Variants in TMTC1 observed in about 807,000 individuals in gnomAD.
TMTC1 encodes transmembrane O-mannosyltransferase targeting cadherins 1, also known as protein O-mannosyl-transferase TMTC1.
A neutral mutation model predicts 104.8 loss-of-function variants in TMTC1; 73 were observed. That is an observed-to-expected ratio of 0.70 (90% CI 0.58 to 0.85). The LOEUF (loss-of-function observed/expected upper bound fraction) is 0.85. Ranked by LOEUF, TMTC1 falls within the 40% of genes least tolerant of loss-of-function variation. The pLI, the probability that TMTC1 is intolerant of heterozygous loss-of-function variation, is 0.00. For missense variants in TMTC1, 1,035 were observed against 1,096.1 expected (o/e 0.94, Z 0.79); for synonymous variants, 434 against 428.7 (o/e 1.01, Z -0.15).
intron 2 of TMTC1, among the ~76,000 whole-genome samples, chr12:29,762,413 C>G (rs948900626): frequency 6.6e-6 from 1 of 152,158 alleles, no homozygotes. Context: ...GGGTGGAACT[C>G]TTAACACTGA....
At chr12:29,650,046 A>G (rs774102156) in intron 5 of TMTC1, among the ~76,000 whole-genome samples, 8 of 151,608 alleles carry the variant, frequency 5.3e-5, no homozygotes, top group Non-Finnish European at 8.8e-5. Context: ...CTGCATTTAG[A>G]GCATCTTCTT....
intron 2 of TMTC1, among the ~76,000 whole-genome samples, chr12:29,763,158 C>T (rs1943390378): frequency 6.6e-6 from 1 of 152,172 alleles, no homozygotes; most frequent in South Asian, 2.1e-4. Context: ...GCATTGCAGC[C>T]AGTTTGGAAG....
intron 5 of TMTC1, among the ~76,000 whole-genome samples, chr12:29,703,143 CAAA>C (rs201319751): frequency 2.6e-5 from 2 of 75,658 alleles, no homozygotes. Context: ...GACTCAGTCT[CAAA>C]AAAAAAAAAA....
chr12:29,579,258 G>A (rs1215558158), intron 8 of TMTC1, among the ~76,000 whole-genome samples: 2 of 152,156 alleles, frequency 1.3e-5, no homozygotes, highest in African/African-American at 4.8e-5. Context: ...CAGCCTATGG[G>A]TCACTAATGT....
Position 29,507,028 on chromosome 12 carries a change from A to C in TMTC1, c.2509-42T>G, listed in dbSNP as rs183542929. Reference sequence around the variant, plus strand: ...GGGAGCAATTACATTCTGATCCATCACAAAACTCTCTCAGAGAATGAAGAG... The same window carrying C: ...GGGAGCAATTACATTCTGATCCATCCCAAAACTCTCTCAGAGAATGAAGAG... On this transcript the variant is annotated intron_variant, in intron 17 of 17. Coordinates refer to ENST00000539277, the MANE Select transcript of TMTC1 (RefSeq NM_001193451.2). The C allele has an allele frequency of 1.8e-4, 290 of 1,571,678 alleles. 1 individual carries two copies. The East Asian group carries it at 4.4e-3, about 24-fold the overall frequency.
At chr12:29,566,536 A>G (rs1405291218) in intron 9 of TMTC1, among the ~76,000 whole-genome samples, 1 of 152,140 alleles carries the variant, frequency 6.6e-6, no homozygotes, top group East Asian at 1.9e-4. Flanking sequence ...GGGCCACCCC[A>G]CTGAAGATCC....
chr12:29,784,044 C>G (rs547035926), upstream of TMTC1: 695 of 163,204 alleles, frequency 4.3e-3, 4 homozygotes, highest in African/African-American at 0.016. Context: ...GGACGCGGGC[C>G]GGTTCCCCCG....
At chr12:29,778,738 G>C (rs1412245869) in intron 1 of TMTC1, among the ~76,000 whole-genome samples, 3 of 152,214 alleles carry the variant, frequency 2.0e-5, no homozygotes, top group Non-Finnish European at 4.4e-5. Context: ...ATGGTCATTT[G>C]TATCAGTTAG....
chr12:29,572,775 C>T (rs78469159), intron 8 of TMTC1, among the ~76,000 whole-genome samples: 6,278 of 152,234 alleles, frequency 0.041, 449 homozygotes, highest in African/African-American at 0.14. Context: ...TTGGGCCAGC[C>T]GTTTCTTCCT....
At chr12:29,524,867 A>G (rs11050270) in intron 11 of TMTC1, among the ~76,000 whole-genome samples, 29,098 of 152,150 alleles carry the variant, frequency 0.19, 3,158 homozygotes, top group East Asian at 0.38. Flanking sequence ...CTCATGATGT[A>G]CACAAATCTC....
At chr12:29,723,728 C>CGA (rs912571593) in intron 5 of TMTC1, among the ~76,000 whole-genome samples, 2 of 151,166 alleles carry the variant, frequency 1.3e-5, no homozygotes, top group African/African-American at 4.9e-5. Flanking sequence ...AAGGAAAAAA[C>CGA]GAGAGAGAGA....
chr12:29,632,600 T>C (rs750950850), intron 6 of TMTC1, among the ~76,000 whole-genome samples: 8 of 152,330 alleles, frequency 5.3e-5, no homozygotes, highest in African/African-American at 9.6e-5. Flanking sequence ...CAGCCCTGCA[T>C]ACCTGTGAGC....
intron 17 of TMTC1, 88 bp downstream of exon 17, chr12:29,511,955 A>G: frequency 8.0e-7 from 1 of 1,250,278 alleles, no homozygotes; most frequent in Non-Finnish European, 1.2e-6. Flanking sequence ...GAAATTAACA[A>G]TAGTTCCTCA....
rs200876369 is a variant in TMTC1, at chr12:29,751,646, C to G, written c.938+20G>C. 1.1e-5 allele frequency: 17 copies of G among 1,613,874 alleles called. No homozygotes were observed. The highest frequency in any genetic ancestry group is 1.4e-5 in the Non-Finnish European group (17 of 1,179,876). On this transcript the variant is annotated intron_variant, in intron 5 of 17. Transcript: ENST00000539277. ...CTGGACATTGAAAACATGCAGGGAC[C>G]AAGAAACCCAGCCCAGTACCTCATC...
chr12:29,778,554 C>CA (rs571002989), intron 1 of TMTC1, among the ~76,000 whole-genome samples: 266 of 147,518 alleles, frequency 1.8e-3, no homozygotes, highest in South Asian at 5.4e-3. Context: ...GAAAAAGAAG[C>CA]AAAAAAAAAA....
At chr12:29,745,564 T>A (rs1942931400) in intron 5 of TMTC1, among the ~76,000 whole-genome samples, 1 of 133,456 alleles carries the variant, frequency 7.5e-6, no homozygotes, top group African/African-American at 2.9e-5. Flanking sequence ...GAGGTTGCAG[T>A]GAGTCGAGAT....
At chr12:29,593,488 T>C (rs896021744) in intron 7 of TMTC1, among the ~76,000 whole-genome samples, 1 of 152,206 alleles carries the variant, frequency 6.6e-6, no homozygotes, top group African/African-American at 2.4e-5. Context: ...AAGAGCAAAT[T>C]TCCTTGTGCG....
At chr12:29,577,303 A>C (rs1945851108) in intron 8 of TMTC1, among the ~76,000 whole-genome samples, 1 of 152,160 alleles carries the variant, frequency 6.6e-6, no homozygotes, top group Non-Finnish European at 1.5e-5. Context: ...ACGGGGTTCC[A>C]CATCTCTGAA....
chr12:29,564,196 G>A (rs1945449797), intron 9 of TMTC1, among the ~76,000 whole-genome samples: 2 of 152,330 alleles, frequency 1.3e-5, no homozygotes, highest in African/African-American at 4.8e-5. Flanking sequence ...GACCAGTCAA[G>A]TTTGAGGTGC....
Sources: allele counts gnomAD v4.1 joint callset (sites outside exome capture counted in the v4.1 genomes callset), GRCh38; gene constraint gnomAD v4.1.1; transcripts MANE v1.5; gene names NCBI Gene and HGNC (gene_info 2026-07-23, HGNC 2026-07-21).